The following PICK1 variants were observed in gnomAD, a reference collection of about 807,000 sequenced individuals.
The protein encoded by PICK1 is protein interacting with PRKCA 1.
In PICK1, 23 loss-of-function variants were observed where a neutral mutation model predicts 48.9. That is an observed-to-expected ratio of 0.47 (90% CI 0.34 to 0.67). PICK1 has a LOEUF of 0.67. PICK1 is among the 30% of genes least tolerant of loss of function. The probability of loss-of-function intolerance (pLI) is 0.01; values close to 1 mark genes in which losing one functional copy is unlikely to be tolerated. For missense variants in PICK1, 423 were observed against 557.1 expected, an observed-to-expected ratio of 0.76 and a Z score of 2.42; for synonymous variants, 217 against 228.2, an observed-to-expected ratio of 0.95 and a Z score of 0.44.
chr22:38,059,702 C>T (rs1273643464), intron 3 of PICK1, among the ~76,000 whole-genome samples: 2 of 152,232 alleles, frequency 1.3e-5, no homozygotes, highest in East Asian at 1.9e-4. Flanking sequence ...ACAAAACCAT[C>T]AGCCTTGCGT....
At position 38,073,912 on chromosome 22, in the gene PICK1, C is replaced by CGGG; in HGVS notation, c.834+93_834+95dup. On this transcript the variant is annotated intron_variant, in intron 11 of 12. Transcript: ENST00000356976. This position sits in a 1 kb window ranked among gnomAD's most constrained non-coding sequence, Gnocchi z 5.7. ...TGGCTCAGGCCAACCCGGGAGAGAC[C>CGGG]GGGGGGACTTGGCTGGACTCTCGTT... The CGGG allele has an allele frequency of 1.5e-6, 2 of 1,302,294 alleles. No individual in the cohort carries two copies. The highest frequency in any genetic ancestry group is 2.9e-5 in the African/African-American group (2 of 68,934). 80.7% of individuals were successfully genotyped at this position (1,302,294 alleles called of 1,614,324 possible). A position where few individuals can be genotyped will look rare whatever the true frequency, so the allele number is the denominator to read the frequency against.
At position 38,066,009 on chromosome 22, in the gene PICK1, C is replaced by A. The variant is rs1320302495; in HGVS notation, c.282+879C>A. Among the ~76,000 whole-genome samples the A allele has an allele frequency of 6.6e-6, 1 of 152,172 alleles. No homozygotes were observed. Among genetic ancestry groups the A allele is most frequent in the Non-Finnish European group, 1.5e-5 (1 of 68,032 alleles). On this transcript the variant is annotated intron_variant, in intron 4 of 12. Transcript: ENST00000356976. The surrounding 1 kb of genome is among the most constrained non-coding windows in gnomAD (Gnocchi z 4.1). ...TAACCCAGGCCAGCCGCTGCTCCAT[C>A]CTCTCTCCCCTTTATCCTCCTGTCC...
rs770075550 is a variant in PICK1 at position 38,072,641 on chromosome 22, C to A, written c.690+31C>A. 57 of 1,610,850 alleles carry A rather than the reference C, an allele frequency of 3.5e-5. 1 individual carries two copies. The Middle Eastern group carries it at 6.6e-4, about 19-fold the overall frequency. On this transcript the variant is annotated intron_variant, in intron 9 of 12. Transcript: ENST00000356976. ...TCCTATTGAGCATGTGTGTGTCTGG[C>A]GTGTGAGGGTGGGGAGGGGAGAGTG...
chr22:38,074,866 C>G lies in PICK1; in HGVS notation c.982C>G (p.Gln328Glu), dbSNP rs1215524681. ...KMELLDQKHV[Q>E]DIVFQLQRLV... is the part of the protein sequence containing the mutation. ...TGTCCCCCGACCTCCCACCCCAGTCCAGGACATCGTGTTCCAGCTGCAGCG... is the reference window on the plus strand; with the variant it reads ...TGTCCCCCGACCTCCCACCCCAGTCGAGGACATCGTGTTCCAGCTGCAGCG... Residue 328 changes from glutamine (Q) to glutamate (E), a missense_variant and splice_region_variant, in exon 13 of 13, where the codon CAG becomes GAG. This residue lies in a region of PICK1 where 144 missense variants were observed against 139.3 expected (regional missense o/e 1.03). Coordinates refer to ENST00000356976, the MANE Select transcript of PICK1 (RefSeq NM_012407.4). This position sits in a 1 kb window ranked among gnomAD's most constrained non-coding sequence, Gnocchi z 4.5. 1 of 1,611,668 alleles carries G rather than the reference C, an allele frequency of 6.2e-7. No individual in the cohort carries two copies. Among genetic ancestry groups the G allele is most frequent in the African/African-American group, 1.3e-5 (1 of 74,938 alleles).
chr22:38,075,359 C>A lies in PICK1; in HGVS notation c.*227C>A. ...GGCCCCTCCACCCTCCCTCCCCTCC[C>A]GGCTCCCCGGCCAGAGGGAGAGCTT... On this transcript the variant is annotated 3_prime_UTR_variant, in exon 13 of 13. Coordinates refer to ENST00000356976, the MANE Select transcript of PICK1 (RefSeq NM_012407.4). 1 of 542,198 alleles carries A rather than the reference C, an allele frequency of 1.8e-6. No homozygotes were observed. Among genetic ancestry groups the A allele is most frequent in the East Asian group, 2.9e-5 (1 of 33,964 alleles). 33.6% of individuals were successfully genotyped at this position (542,198 alleles called of 1,614,324 possible).
intron 4 of PICK1, 49 bp from the exon 5 acceptor site, chr22:38,067,655 C>G: frequency 6.5e-7 from 1 of 1,538,930 alleles, no homozygotes; most frequent in African/African-American, 1.4e-5. Context: ...TGGGAAGGGG[C>G]TCAGGGTGTG....
chr22:38,067,813 G>A, intron 5 of PICK1, 43 bp downstream of exon 5: 1 of 1,532,688 alleles, frequency 6.5e-7, no homozygotes, highest in Non-Finnish European at 9.0e-7. Flanking sequence ...CAGCCTCCCT[G>A]GATGGGCCCT....
intron 5 of PICK1, among the ~76,000 whole-genome samples, chr22:38,068,464 A>G (rs576590683): frequency 1.3e-5 from 2 of 152,256 alleles, no homozygotes; most frequent in Admixed American, 6.5e-5. Context: ...CATACACCCT[A>G]GGGCCAGAGG....
chr22:38,064,458 C>T (rs910060326), intron 3 of PICK1, among the ~76,000 whole-genome samples: 5 of 152,238 alleles, frequency 3.3e-5, no homozygotes, highest in African/African-American at 1.2e-4. Flanking sequence ...TCTTGACACC[C>T]TTGTCAAAAA....
In PICK1 at chr22:38,066,702, C is replaced by T. The variant is rs1230833238; in HGVS notation, c.283-1002C>T. 6.6e-6 allele frequency among the ~76,000 whole-genome samples: 1 copy of T among 152,272 alleles called. No individual in the cohort carries two copies. Among genetic ancestry groups the T allele is most frequent in the Non-Finnish European group, 1.5e-5 (1 of 68,050 alleles). On this transcript the variant is annotated intron_variant, in intron 4 of 12. Transcript: ENST00000356976. The surrounding 1 kb of genome is among the most constrained non-coding windows in gnomAD (Gnocchi z 4.1). ...AGCAGTTCACACCCCACCTCTGACT[C>T]TGATTGCATCTGCTCATTTTGGTTT... is the stretch of plus-strand genomic sequence containing the variant.
chr22:38,061,759 G>T (rs914053027), intron 3 of PICK1, among the ~76,000 whole-genome samples: 1 of 152,156 alleles, frequency 6.6e-6, no homozygotes, highest in African/African-American at 2.4e-5. Flanking sequence ...GGGTTCAAGT[G>T]ATCCACCCGC....
At chr22:38,068,607 ATGGTCAT>A (rs1198349995) in intron 5 of PICK1, among the ~76,000 whole-genome samples, 2 of 152,120 alleles carry the variant, frequency 1.3e-5, no homozygotes, top group African/African-American at 2.4e-5. Context: ...TCCGAGCTTC[ATGGTCAT>A]TGATGGTGCC....
intron 6 of PICK1, among the ~76,000 whole-genome samples, chr22:38,070,093 C>T (rs940707315): frequency 1.2e-4 from 19 of 152,200 alleles, no homozygotes; most frequent in African/African-American, 3.6e-4. Context: ...CTTCCTTCCC[C>T]GACAGCCTGT....
chr22:38,067,661 G>T (rs1303189524), intron 4 of PICK1, 43 bp from the exon 5 acceptor site: 1 of 1,560,874 alleles, frequency 6.4e-7, no homozygotes, highest in Non-Finnish European at 8.8e-7. Context: ...GGGGCTCAGG[G>T]TGTGGAGCCT....
rs573785469 is a variant in PICK1 at position 38,068,355 on chromosome 22, G to A, written c.349+585G>A. Among the ~76,000 whole-genome samples, 6 of 152,294 alleles carry A rather than the reference G, an allele frequency of 3.9e-5. No homozygotes were observed. In the South Asian group the frequency reaches 1.2e-3, roughly 32 times the overall value. On this transcript the variant is annotated intron_variant, in intron 5 of 12. Coordinates refer to ENST00000356976, the MANE Select transcript of PICK1 (RefSeq NM_012407.4). ...CAGCTTCGAGTCCTCTGGACCGGCC[G>A]CTTCACATTATGGATCAAAGCCTGA...
intron 2 of PICK1, among the ~76,000 whole-genome samples, chr22:38,058,537 A>C (rs1316253972): frequency 3.3e-5 from 5 of 152,186 alleles, no homozygotes; most frequent in Non-Finnish European, 7.3e-5. Flanking sequence ...AACCTGGCTC[A>C]AATCTCAGAG....
chr22:38,071,178 C>T (rs2085677242), intron 7 of PICK1, among the ~76,000 whole-genome samples: 1 of 152,140 alleles, frequency 6.6e-6, no homozygotes, highest in Non-Finnish European at 1.5e-5. Context: ...GAAACGCCAT[C>T]TCTACTGAAA....
At chr22:38,070,215 C>T (rs2145876793) in intron 6 of PICK1, among the ~76,000 whole-genome samples, 1 of 152,380 alleles carries the variant, frequency 6.6e-6, no homozygotes. Context: ...GCAGAGAGCA[C>T]CTGACTGCCC....
chr22:38,072,649 G>A (rs774265181), intron 9 of PICK1, 39 bp downstream of exon 9: 30 of 1,609,070 alleles, frequency 1.9e-5, no homozygotes, highest in Non-Finnish European at 2.1e-5. Context: ...GGCGTGTGAG[G>A]GTGGGGAGGG....
Sources: gnomAD v4.1 joint callset for allele counts (sites outside exome capture counted in the v4.1 genomes callset) on GRCh38, gnomAD v4.1.1 for gene constraint, gnomAD v4.1.1 regional missense constraint, Gnocchi (gnomAD v3.1) non-coding constraint, MANE v1.5 for transcripts, NCBI Gene and HGNC (gene_info 2026-07-23, HGNC 2026-07-21) for gene names.